MAPKAP1: variants seen among roughly 807,000 people sequenced by gnomAD.
The protein encoded by MAPKAP1 is MAPK associated protein 1, also known as target of rapamycin complex 2 subunit MAPKAP1.
MAPKAP1 carries 20 observed loss-of-function variants against 65.7 expected under a neutral mutation model. That is an observed-to-expected ratio of 0.30 (90% CI 0.21 to 0.44). The LOEUF is 0.44. Ranked by LOEUF, MAPKAP1 falls within the 20% of genes least tolerant of loss-of-function variation. The pLI is 1.00. For missense variants in MAPKAP1, 423 were observed against 648.0 expected (o/e 0.65, Z 3.77); for synonymous variants, 222 against 244.3 (o/e 0.91, Z 0.85).
At chr9:125,510,190 A>G (rs1216772945) in intron 7 of MAPKAP1, among the ~76,000 whole-genome samples, 1 of 152,168 alleles carries the variant, frequency 6.6e-6, no homozygotes, top group Admixed American at 6.5e-5. Flanking sequence ...AGGAAGGGGG[A>G]AAAATGAAAC....
chr9:125,465,985 G>A (rs1259977921), intron 10 of MAPKAP1, among the ~76,000 whole-genome samples: 4 of 152,232 alleles, frequency 2.6e-5, no homozygotes, highest in Admixed American at 2.6e-4. Flanking sequence ...CAGCCCAAAT[G>A]TGAGATGGGA....
At chr9:125,591,351 T>TGC (rs1831957664) in intron 4 of MAPKAP1, among the ~76,000 whole-genome samples, 1 of 152,172 alleles carries the variant, frequency 6.6e-6, no homozygotes, top group South Asian at 2.1e-4. Flanking sequence ...AGTTAGGAGA[T>TGC]GGAGACTCCA....
intron 4 of MAPKAP1, among the ~76,000 whole-genome samples, chr9:125,648,598 C>A (rs920498564): frequency 6.6e-6 from 1 of 152,140 alleles, no homozygotes; most frequent in Non-Finnish European, 1.5e-5. Flanking sequence ...AACACATGGC[C>A]TAGTAGTCCT....
intron 5 of MAPKAP1, among the ~76,000 whole-genome samples, chr9:125,566,877 A>T (rs556968031): frequency 1.3e-5 from 2 of 152,326 alleles, no homozygotes; most frequent in East Asian, 3.9e-4. Context: ...AGAAAATACA[A>T]GTGACTACTT....
At chr9:125,627,749 C>G (rs558109707) in intron 4 of MAPKAP1, among the ~76,000 whole-genome samples, 1 of 152,060 alleles carries the variant, frequency 6.6e-6, no homozygotes, top group Non-Finnish European at 1.5e-5. Flanking sequence ...CAAAAAGTTA[C>G]GATTTTATCC....
intron 5 of MAPKAP1, among the ~76,000 whole-genome samples, chr9:125,566,461 AG>A (rs1831053783): frequency 6.6e-6 from 1 of 152,128 alleles, no homozygotes; most frequent in African/African-American, 2.4e-5. Context: ...GCTACTTAGG[AG>A]GTGAAGTGCG....
intron 9 of MAPKAP1, among the ~76,000 whole-genome samples, chr9:125,469,674 T>C (rs531352061): frequency 6.6e-6 from 1 of 152,346 alleles, no homozygotes; most frequent in South Asian, 2.1e-4. Context: ...CTGGAATTTG[T>C]CATTAGACCT....
At chr9:125,625,255 TAAAAAAAAAAAAAA>T (rs58671780) in intron 4 of MAPKAP1, among the ~76,000 whole-genome samples, 5 of 64,714 alleles carry the variant, frequency 7.7e-5, no homozygotes, top group Admixed American at 1.7e-4. Flanking sequence ...AATAAATAAA[TAAAAAAAAAAAAAA>T]AAAAAAAAAA....
At position 125,592,881 on chromosome 9, in the gene MAPKAP1, C is replaced by T. The variant is rs1475651804; in HGVS notation, c.499-7154G>A. Among the ~76,000 whole-genome samples, 27 of 113,578 alleles carry T rather than the reference C, an allele frequency of 2.4e-4. 1 individual carries two copies. The highest frequency in any genetic ancestry group is 8.5e-4 in the African/African-American group (25 of 29,368). 74.5% of individuals were successfully genotyped at this position (113,578 alleles called of 152,430 possible). ...TAGCACCACTGCAGTCCAGCCTGGG[C>T]GAAAGAGCGAGACTCCGTCTCAAAA... On this transcript the variant is annotated intron_variant, in intron 4 of 11. Coordinates refer to ENST00000265960, the MANE Select transcript of MAPKAP1 (RefSeq NM_001006617.3).
chr9:125,579,152 G>A (rs1286934711), intron 5 of MAPKAP1, among the ~76,000 whole-genome samples: 1 of 152,208 alleles, frequency 6.6e-6, no homozygotes, highest in Non-Finnish European at 1.5e-5. Flanking sequence ...ATAAGCCTAA[G>A]TACCATATTC....
At chr9:125,491,172 G>A (rs1015345058) in intron 8 of MAPKAP1, among the ~76,000 whole-genome samples, 9 of 149,002 alleles carry the variant, frequency 6.0e-5, no homozygotes, top group Admixed American at 5.4e-4. Flanking sequence ...GGCCAGGTGC[G>A]GTGGCTTATG....
intron 1 of MAPKAP1, among the ~76,000 whole-genome samples, chr9:125,688,273 G>A (rs1025535677): frequency 3.3e-5 from 5 of 151,914 alleles, no homozygotes; most frequent in African/African-American, 1.2e-4. Flanking sequence ...TAAGTAACTG[G>A]GATTACAGCC....
chr9:125,476,291 G>A (rs1854105599), intron 9 of MAPKAP1, among the ~76,000 whole-genome samples: 1 of 152,086 alleles, frequency 6.6e-6, no homozygotes, highest in South Asian at 2.1e-4. Context: ...TCCAAAGTTT[G>A]GTTCAGGAAA....
intron 1 of MAPKAP1, among the ~76,000 whole-genome samples, chr9:125,703,439 G>A (rs1172852298): frequency 6.6e-6 from 1 of 151,930 alleles, no homozygotes; most frequent in Non-Finnish European, 1.5e-5. Context: ...CAAAAACTTC[G>A]AACTCACAGA....
Position 125,559,542 on chromosome 9 carries a change from T to C in MAPKAP1, c.848+91A>G, listed in dbSNP as rs541663834. 5 of 1,179,404 alleles carry C rather than the reference T, an allele frequency of 4.2e-6. No homozygotes were observed. In the East Asian group the frequency reaches 7.4e-5, roughly 17 times the overall value. The allele number at this position is 1,179,404 out of a possible 1,614,324, so 73.1% of individuals were successfully genotyped here. ...CAGTGGACTCTCCAGATGCCAAATA[T>C]CATTTATTTGATGAACAAAACCAAA... On this transcript the variant is annotated intron_variant, in intron 6 of 11. Coordinates refer to ENST00000265960, the MANE Select transcript of MAPKAP1 (RefSeq NM_001006617.3).
chr9:125,531,736 C>T (rs1589262756), intron 7 of MAPKAP1, among the ~76,000 whole-genome samples: 1 of 152,248 alleles, frequency 6.6e-6, no homozygotes, highest in Non-Finnish European at 1.5e-5. Flanking sequence ...ATACCCATCA[C>T]CTAGACCTAT....
At chr9:125,463,923 GA>G (rs1204359143) in intron 10 of MAPKAP1, among the ~76,000 whole-genome samples, 1 of 152,276 alleles carries the variant, frequency 6.6e-6, no homozygotes, top group East Asian at 1.9e-4. Flanking sequence ...TTCTTATGAT[GA>G]AACCAGATCT....
chr9:125,670,735 T>C (rs1239917978), intron 2 of MAPKAP1, among the ~76,000 whole-genome samples: 2 of 152,314 alleles, frequency 1.3e-5, no homozygotes, highest in Admixed American at 6.5e-5. Context: ...CCACCCAGCA[T>C]GCACTTAACA....
intron 9 of MAPKAP1, among the ~76,000 whole-genome samples, chr9:125,470,137 A>C (rs1046758281): frequency 3.9e-5 from 6 of 152,236 alleles, no homozygotes; most frequent in African/African-American, 1.4e-4. Flanking sequence ...TTGAAGCTGT[A>C]GTCAGTCAAT....
Sources: gnomAD v4.1 joint callset for allele counts (sites outside exome capture counted in the v4.1 genomes callset) on GRCh38, gnomAD v4.1.1 for gene constraint, MANE v1.5 for transcripts, NCBI Gene and HGNC (gene_info 2026-07-23, HGNC 2026-07-21) for gene names.